TRPM3: variants seen among roughly 807,000 people sequenced by gnomAD.
TRPM3 encodes the protein long transient receptor potential channel 3.
In TRPM3, 77 loss-of-function variants were observed where a neutral mutation model predicts 181.2. The observed-to-expected ratio is 0.42, with a 90% CI of 0.35 to 0.51. The LOEUF is 0.51. Among genes scored for constraint, TRPM3 ranks in the 20% least tolerant of loss-of-function variants. The pLI is 0.01. For missense variants in TRPM3, 1,759 were observed against 2,196.7 expected (o/e 0.80, Z 3.98); for synonymous variants, 745 against 796.4 (o/e 0.94, Z 1.09).
chr9:70,887,095 A>G (rs749704918), intron 1 of TRPM3, among the ~76,000 whole-genome samples: 4 of 152,224 alleles, frequency 2.6e-5, no homozygotes, highest in Admixed American at 2.6e-4. Context: ...GTTTACCAAT[A>G]TAAACAACCT....
chr9:71,233,555 C>T (rs2081193959), intron 1 of TRPM3, among the ~76,000 whole-genome samples: 3 of 152,046 alleles, frequency 2.0e-5, no homozygotes, highest in Admixed American at 1.3e-4. Flanking sequence ...TTATCTTATA[C>T]AATATTCTGT....
chr9:71,112,931 A>G (rs753712238), intron 1 of TRPM3, among the ~76,000 whole-genome samples: 3 of 152,182 alleles, frequency 2.0e-5, no homozygotes, highest in Non-Finnish European at 2.9e-5. Flanking sequence ...GGCAGTAGAA[A>G]TAAGTCATGC....
At chr9:70,594,620 A>T (rs1356967145) in intron 21 of TRPM3, among the ~76,000 whole-genome samples, 2 of 152,174 alleles carry the variant, frequency 1.3e-5, no homozygotes, top group East Asian at 3.8e-4. Flanking sequence ...GATCAATTGG[A>T]GTCTTTCCGG....
chr9:70,623,453 C>T (rs2063956844), intron 14 of TRPM3, among the ~76,000 whole-genome samples: 1 of 151,530 alleles, frequency 6.6e-6, no homozygotes, highest in African/African-American at 2.4e-5. Context: ...GTCCCTGAAA[C>T]ATTTTGAGAG....
At chr9:71,242,988 C>A (rs745995157) in intron 1 of TRPM3, among the ~76,000 whole-genome samples, 15 of 152,122 alleles carry the variant, frequency 9.9e-5, no homozygotes, top group Non-Finnish European at 2.2e-4. Flanking sequence ...GTCCCCAGTG[C>A]CGCTTAGCTC....
chr9:70,650,297 C>A (rs77704714), intron 9 of TRPM3, among the ~76,000 whole-genome samples: 1 of 152,118 alleles, frequency 6.6e-6, no homozygotes, highest in Admixed American at 6.5e-5. Flanking sequence ...TGGACATGTA[C>A]CCCCAAACCT....
intron 1 of TRPM3, among the ~76,000 whole-genome samples, chr9:71,180,104 G>T (rs1490626806): frequency 7.3e-6 from 1 of 136,720 alleles, no homozygotes; most frequent in African/African-American, 2.7e-5. Context: ...ACCTAGGCAG[G>T]AATGGAATAG....
intron 8 of TRPM3, among the ~76,000 whole-genome samples, chr9:70,742,542 A>T (rs2074358527): frequency 6.6e-6 from 1 of 152,110 alleles, no homozygotes; most frequent in South Asian, 2.1e-4. Context: ...CCTAACTGTG[A>T]TTTTGTATCC....
intron 1 of TRPM3, among the ~76,000 whole-genome samples, chr9:71,227,535 G>A (rs971865154): frequency 1.1e-4 from 16 of 151,740 alleles, no homozygotes; most frequent in Admixed American, 8.5e-4. Flanking sequence ...TAAAAAGAGC[G>A]ATGGAACAAA....
chr9:70,966,766 G>T (rs2097189650), intron 1 of TRPM3, among the ~76,000 whole-genome samples: 1 of 151,880 alleles, frequency 6.6e-6, no homozygotes, highest in Admixed American at 6.6e-5. Context: ...GAAAGGATCA[G>T]GAAAAATATC....
At chr9:71,229,931 A>T (rs1262767135) in intron 1 of TRPM3, among the ~76,000 whole-genome samples, 1 of 152,150 alleles carries the variant, frequency 6.6e-6, no homozygotes, top group Non-Finnish European at 1.5e-5. Context: ...TCCTACTGTT[A>T]GGTATATACA....
intron 1 of TRPM3, among the ~76,000 whole-genome samples, chr9:71,025,423 C>T (rs982906322): frequency 2.0e-5 from 3 of 152,106 alleles, no homozygotes; most frequent in Non-Finnish European, 4.4e-5. Flanking sequence ...TGGCAAGGAA[C>T]ACATGATTCA....
chr9:71,378,821 G>A (rs1358648389), intron 1 of TRPM3, among the ~76,000 whole-genome samples: 1 of 151,868 alleles, frequency 6.6e-6, no homozygotes, highest in Non-Finnish European at 1.5e-5. Context: ...AGTAAGTCCA[G>A]CCTTTATACT....
chr9:71,140,343 G>C (rs540411024), intron 1 of TRPM3, among the ~76,000 whole-genome samples: 1 of 152,234 alleles, frequency 6.6e-6, no homozygotes, highest in East Asian at 1.9e-4. Context: ...GATCAGCCCA[G>C]TCACCATATC....
At chr9:70,829,793 C>T (rs1263634078) in intron 5 of TRPM3, among the ~76,000 whole-genome samples, 1 of 152,120 alleles carries the variant, frequency 6.6e-6, no homozygotes, top group East Asian at 1.9e-4. Context: ...AACACAGAGA[C>T]AGTGGTTTGC....
chr9:71,441,490 A>C (rs563913658), intron 1 of TRPM3, among the ~76,000 whole-genome samples: 56 of 152,324 alleles, frequency 3.7e-4, no homozygotes, highest in African/African-American at 1.3e-3. Flanking sequence ...TTAGACACTG[A>C]AAAAGGAAAC....
intron 1 of TRPM3, among the ~76,000 whole-genome samples, chr9:70,914,533 T>A (rs1438947541): frequency 1.3e-5 from 2 of 151,966 alleles, no homozygotes; most frequent in African/African-American, 4.8e-5. Flanking sequence ...AGACGTGTAG[T>A]GTGATAATTA....
chr9:71,396,252 A>C (rs1313646989), intron 1 of TRPM3, among the ~76,000 whole-genome samples: 1 of 151,608 alleles, frequency 6.6e-6, no homozygotes, highest in African/African-American at 2.4e-5. Context: ...ACTGCTCTTC[A>C]GTTAATGACC....
chr9:71,173,568 T>G (rs1430033466), intron 1 of TRPM3, among the ~76,000 whole-genome samples: 1 of 152,206 alleles, frequency 6.6e-6, no homozygotes, highest in East Asian at 1.9e-4. Flanking sequence ...GCCACTACAT[T>G]TGGTAGAACC....
Sources: gnomAD v4.1 joint callset for allele counts (sites outside exome capture counted in the v4.1 genomes callset) on GRCh38, gnomAD v4.1.1 for gene constraint, MANE v1.5 for transcripts, NCBI Gene and HGNC (gene_info 2026-07-23, HGNC 2026-07-21) for gene names.